The following DTX4 variants were observed in gnomAD, a reference collection of about 807,000 sequenced individuals.
The protein encoded by DTX4 is deltex E3 ubiquitin ligase 4, also known as E3 ubiquitin-protein ligase DTX4.
A neutral mutation model predicts 57.6 loss-of-function variants in DTX4; 28 were observed. That is an observed-to-expected ratio of 0.49 (90% CI 0.36 to 0.67). DTX4 has a LOEUF of 0.67. Ranked by LOEUF, DTX4 falls within the 30% of genes least tolerant of loss-of-function variation. DTX4 has a pLI of 0.00. For missense variants in DTX4, 715 were observed against 836.8 expected (o/e 0.85, Z 1.80); for synonymous variants, 316 against 331.0 (o/e 0.95, Z 0.49).
rs1388754493 is a variant in DTX4 at position 59,189,342 on chromosome 11, G to A, written c.1159+19G>A. 1.6e-5 allele frequency: 25 copies of A among 1,518,006 alleles called. No individual in the cohort carries two copies. The highest frequency in any genetic ancestry group is 1.3e-4 in the South Asian group (10 of 79,118). The allele number at this position is 1,518,006 out of a possible 1,614,324, so 94.0% of individuals were successfully genotyped here. On this transcript the variant is annotated intron_variant, in intron 4 of 8. Coordinates refer to ENST00000227451, the MANE Select transcript of DTX4 (RefSeq NM_015177.2). ...AAGAAAGGTACCAGCCTCTTGTCTCGTGGGGTACTGAGAGTCAAAGACTTG... is the reference window on the plus strand; with the variant it reads ...AAGAAAGGTACCAGCCTCTTGTCTCATGGGGTACTGAGAGTCAAAGACTTG...
At position 59,192,142 on chromosome 11, in the gene DTX4, C is replaced by T. The variant is rs989617491; in HGVS notation, c.1266C>T (p.Tyr422=). 5.6e-6 allele frequency: 9 copies of T among 1,613,818 alleles called. No homozygotes were observed. In the African/African-American group the frequency reaches 8.0e-5, roughly 14 times the overall value. ...AACGCCTCACGGCCCCCTCAGGCTA[C>T]AAGGGCCCGCAGCCTACGGTAAAAC... is the stretch of plus-strand genomic sequence containing the variant. The part of the protein sequence containing the change: ...CMERLTAPSG[Y]KGPQPTVKPD... The change falls in exon 6 of 9, where the codon TAC becomes TAT. Residue 422 remains tyrosine, a synonymous_variant. Transcript: ENST00000227451.
chr11:59,201,598 G>T (rs980194502), intron 8 of DTX4, among the ~76,000 whole-genome samples: 3 of 152,168 alleles, frequency 2.0e-5, no homozygotes, highest in African/African-American at 7.2e-5. Flanking sequence ...CATGTCAAAG[G>T]GTATGGATAT....
At chr11:59,192,066 C>T in intron 5 of DTX4, 32 bp from the exon 6 acceptor site, 1 of 1,597,856 alleles carries the variant, frequency 6.3e-7, no homozygotes, top group Non-Finnish European at 8.6e-7. Flanking sequence ...TGAGAGCTGA[C>T]AGCCTCTCTG....
rs1862843365 is a variant in DTX4 at position 59,208,378 on chromosome 11, C to G, written c.*3469C>G. Reference sequence around the variant, plus strand: ...GCTAGACTTTGTTTGCCTAAAGGAACAGACCACATTGCTGGGAAAATGAGT... The same window carrying G: ...GCTAGACTTTGTTTGCCTAAAGGAAGAGACCACATTGCTGGGAAAATGAGT... On this transcript the variant is annotated 3_prime_UTR_variant, in exon 9 of 9. Transcript: ENST00000227451. The G allele has an allele frequency of 6.6e-6, 1 of 152,126 alleles. No homozygotes were observed. The highest frequency in any genetic ancestry group is 2.1e-4 in the South Asian group (1 of 4,834). 9.4% of individuals were successfully genotyped at this position (152,126 alleles called of 1,614,324 possible). A position where few individuals can be genotyped will look rare whatever the true frequency, so the allele number is the denominator to read the frequency against.
intron 6 of DTX4, among the ~76,000 whole-genome samples, chr11:59,194,740 C>T (rs141684675): frequency 3.9e-5 from 6 of 152,216 alleles, no homozygotes; most frequent in Non-Finnish European, 2.9e-5. Context: ...CAGCCTGAAA[C>T]ATTATGCTTT....
chr11:59,201,734 G>A (rs1862742928), intron 8 of DTX4, among the ~76,000 whole-genome samples: 1 of 152,218 alleles, frequency 6.6e-6, no homozygotes, highest in Non-Finnish European at 1.5e-5. Context: ...TGTTTACCTT[G>A]AAGAGCCAGA....
chr11:59,197,769 A>T (rs1353881987), intron 7 of DTX4, among the ~76,000 whole-genome samples: 1 of 152,236 alleles, frequency 6.6e-6, no homozygotes, highest in Non-Finnish European at 1.5e-5. Context: ...CTCAGAGGCA[A>T]TGAGTCAAGG....
chr11:59,175,397 C>T (rs887570348), intron 1 of DTX4, among the ~76,000 whole-genome samples: 3 of 152,174 alleles, frequency 2.0e-5, no homozygotes, highest in African/African-American at 4.8e-5. Context: ...GCTCTCCACT[C>T]GCCTGGGCTC....
chr11:59,190,921 G>A (rs777366588), intron 4 of DTX4, among the ~76,000 whole-genome samples, 193 bp from the exon 5 acceptor site: 3 of 152,132 alleles, frequency 2.0e-5, no homozygotes, highest in Non-Finnish European at 4.4e-5. Context: ...AAGCCTTCTC[G>A]TCAAACCATC....
intron 1 of DTX4, among the ~76,000 whole-genome samples, chr11:59,175,215 A>G (rs1862380516): frequency 6.6e-6 from 1 of 152,212 alleles, no homozygotes; most frequent in Non-Finnish European, 1.5e-5. Context: ...CTTAAGCCAT[A>G]ATTCAAAGCT....
intron 1 of DTX4, among the ~76,000 whole-genome samples, chr11:59,180,106 T>G (rs888915556): frequency 2.0e-5 from 3 of 152,100 alleles, no homozygotes; most frequent in Admixed American, 6.5e-5. Context: ...AATCCTCAAA[T>G]CCACCCTTTG....
rs927365641 is a variant in DTX4, at chr11:59,172,221, C to G, written c.-375C>G. Reference sequence around the variant, plus strand: ...TGCGAGGGCTGGGTCCTTGCCTCGCCGTCAGCCCCAGCTCGCGGCCGCCGG... The same window carrying G: ...TGCGAGGGCTGGGTCCTTGCCTCGCGGTCAGCCCCAGCTCGCGGCCGCCGG... On this transcript the variant is annotated 5_prime_UTR_variant, in exon 1 of 9. Transcript: ENST00000227451. 1.3e-5 allele frequency among the ~76,000 whole-genome samples: 2 copies of G among 152,054 alleles called. No individual in the cohort carries two copies. Among genetic ancestry groups the G allele is most frequent in the Admixed American group, 6.5e-5 (1 of 15,276 alleles).
At chr11:59,188,060 T>C (rs1393086732) in intron 2 of DTX4, among the ~76,000 whole-genome samples, 1 of 152,218 alleles carries the variant, frequency 6.6e-6, no homozygotes, top group Non-Finnish European at 1.5e-5. Flanking sequence ...GACTCTTTTG[T>C]ACACCCTGGT....
At chr11:59,175,889 G>A (rs1862389579) in intron 1 of DTX4, among the ~76,000 whole-genome samples, 1 of 145,136 alleles carries the variant, frequency 6.9e-6, no homozygotes, top group African/African-American at 2.8e-5. Flanking sequence ...AAATGGTCAG[G>A]CCTCATTTTT....
intron 1 of DTX4, among the ~76,000 whole-genome samples, chr11:59,174,086 T>C (rs971092308): frequency 2.0e-5 from 3 of 152,138 alleles, no homozygotes; most frequent in African/African-American, 7.2e-5. Flanking sequence ...AGGATTGTCA[T>C]GGGAAAGGGG....
chr11:59,181,970 A>T lies in DTX4; in HGVS notation c.443A>T (p.Gln148Leu). The T allele has an allele frequency of 6.2e-7, 1 of 1,613,984 alleles. No individual in the cohort carries two copies. The highest frequency in any genetic ancestry group is 1.1e-5 in the South Asian group (1 of 91,088). ...NTMGQINRQT[Q>L]RQRRVRRRLD... ...ATGGGCCAGATCAACCGTCAGACCC[A>T]GCGCCAACGCCGCGTCCGCCGGCGC... is the stretch of plus-strand genomic sequence containing the variant. Residue 148 changes from glutamine (Q) to leucine (L), a missense_variant, in exon 2 of 9, where the codon CAG (glutamine) becomes CTG (leucine). By Grantham distance (113) the Gln-to-Leu change is moderately radical. Transcript: ENST00000227451.
chr11:59,188,407 G>A (rs1042519741), intron 2 of DTX4, among the ~76,000 whole-genome samples: 1 of 152,190 alleles, frequency 6.6e-6, no homozygotes, highest in Non-Finnish European at 1.5e-5. Context: ...ATATGCAAAG[G>A]CTCTGAGGCA....
chr11:59,203,847 G>C (rs1862769652), intron 8 of DTX4, among the ~76,000 whole-genome samples: 1 of 152,166 alleles, frequency 6.6e-6, no homozygotes, highest in South Asian at 2.1e-4. Flanking sequence ...CACTGAGAAA[G>C]TAAACACTCA....
intron 2 of DTX4, among the ~76,000 whole-genome samples, chr11:59,183,404 A>G (rs1358241066): frequency 6.6e-6 from 1 of 152,078 alleles, no homozygotes; most frequent in Non-Finnish European, 1.5e-5. Flanking sequence ...TCCTGTTTGT[A>G]TTGGTTTTTA....
Sources: allele counts gnomAD v4.1 joint callset (sites outside exome capture counted in the v4.1 genomes callset), GRCh38; gene constraint gnomAD v4.1.1; transcripts MANE v1.5; gene names NCBI Gene and HGNC (gene_info 2026-07-23, HGNC 2026-07-21).